SUDS3: variants seen among roughly 807,000 people sequenced by gnomAD.
SUDS3 encodes sin3 histone deacetylase corepressor complex component SDS3.
A neutral mutation model predicts 53.5 loss-of-function variants in SUDS3; 23 were observed. That is an observed-to-expected ratio of 0.43 (90% CI 0.31 to 0.61). The LOEUF (loss-of-function observed/expected upper bound fraction) is 0.61, where lower values mean the gene tolerates loss of function less well. Among genes scored for constraint, SUDS3 ranks in the 20% least tolerant of loss-of-function variants. The probability of loss-of-function intolerance (pLI) is 0.10; values close to 1 mark genes in which losing one functional copy is unlikely to be tolerated. For synonymous variants in SUDS3, 150 were observed against 148.5 expected, an observed-to-expected ratio of 1.01 and a Z score of -0.08; for missense variants, 291 against 405.9, an observed-to-expected ratio of 0.72 and a Z score of 2.43.
At chr12:118,380,373 C>T in intron 2 of SUDS3, 142 bp downstream of exon 2, 2 of 696,442 alleles carry the variant, frequency 2.9e-6, no homozygotes, top group Admixed American at 2.8e-5. Context: ...AGGAAATGCT[C>T]ATTGCACTAT....
At chr12:118,386,827 A>G (rs553137231) in intron 4 of SUDS3, among the ~76,000 whole-genome samples, 1 of 152,344 alleles carries the variant, frequency 6.6e-6, no homozygotes, top group East Asian at 1.9e-4. Flanking sequence ...ACCGAGTTAA[A>G]GAGCCATGCA....
At chr12:118,409,591 C>T (rs1290008115) in intron 10 of SUDS3, among the ~76,000 whole-genome samples, 1 of 152,214 alleles carries the variant, frequency 6.6e-6, no homozygotes, top group East Asian at 1.9e-4. Context: ...CCTTTACTTG[C>T]CATGTCTTGG....
intron 5 of SUDS3, among the ~76,000 whole-genome samples, 176 bp downstream of exon 5, chr12:118,390,122 T>G (rs192735636): frequency 5.9e-5 from 9 of 152,344 alleles, no homozygotes; most frequent in Admixed American, 3.3e-4. Context: ...GGTCATTTGT[T>G]GTTGCGCAGC....
intron 10 of SUDS3, among the ~76,000 whole-genome samples, chr12:118,405,097 C>T (rs1003479318): frequency 6.6e-6 from 1 of 152,318 alleles, no homozygotes; most frequent in African/African-American, 2.4e-5. Context: ...TCTCAGAACA[C>T]ATCGCCACTA....
intron 10 of SUDS3, among the ~76,000 whole-genome samples, chr12:118,406,362 C>T (rs2046308381): frequency 6.6e-6 from 1 of 152,158 alleles, no homozygotes; most frequent in African/African-American, 2.4e-5. Context: ...GGTTCTGTAG[C>T]TATAACGTGG....
chr12:118,406,487 C>T (rs1593779992), intron 10 of SUDS3, among the ~76,000 whole-genome samples: 2 of 152,144 alleles, frequency 1.3e-5, no homozygotes, highest in Non-Finnish European at 2.9e-5. Context: ...TAAGAAATTG[C>T]TTTTCGAAAA....
rs2046071735 is a variant in SUDS3, at chr12:118,382,229, G to A, written c.213-1783G>A. ...TGATTTTTTTGTTGTTGTATTTTTA[G>A]TAGAGACGGGGTTTCACCATGTTGG... On this transcript the variant is annotated intron_variant, in intron 2 of 11. Transcript: ENST00000543473. Among the ~76,000 whole-genome samples, 3 of 151,800 alleles carry A rather than the reference G, an allele frequency of 2.0e-5. No homozygotes were observed. In the South Asian group the frequency reaches 6.2e-4, roughly 32 times the overall value.
intron 1 of SUDS3, among the ~76,000 whole-genome samples, chr12:118,378,146 T>C (rs1392807861): frequency 6.6e-6 from 1 of 152,254 alleles, no homozygotes; most frequent in Non-Finnish European, 1.5e-5. Context: ...TATTAAAATT[T>C]TGTACACACC....
intron 10 of SUDS3, 58 bp downstream of exon 10, chr12:118,403,575 G>T: frequency 7.3e-7 from 1 of 1,367,820 alleles, no homozygotes. Flanking sequence ...TTGGAAAGAG[G>T]GCTGGGGCTA....
intron 1 of SUDS3, among the ~76,000 whole-genome samples, 153 bp from the exon 2 acceptor site, chr12:118,380,009 T>C (rs532539558): frequency 6.6e-6 from 1 of 152,344 alleles, no homozygotes; most frequent in Admixed American, 6.5e-5. Context: ...GCCTACTAAC[T>C]GTATGTAATG....
At position 118,391,281 on chromosome 12, in the gene SUDS3, A is replaced by G; in HGVS notation, c.516A>G (p.Gly172=). 6.2e-7 allele frequency: 1 copy of G among 1,609,178 alleles called. No individual in the cohort carries two copies. The highest frequency in any genetic ancestry group is 8.5e-7 in the Non-Finnish European group (1 of 1,178,516). ...ENEKLTMELT[G]DSMEVKPIMT... is the part of the protein sequence containing the mutation. ...AAAAGCTGACAATGGAACTGACTGGAGGTAGGAAAGCCCTATGGGGTGGGA... is the reference window on the plus strand; with the variant it reads ...AAAAGCTGACAATGGAACTGACTGGGGGTAGGAAAGCCCTATGGGGTGGGA... Residue 172 remains glycine (G), a splice_region_variant and synonymous_variant, in exon 6 of 12, where the codon GGA becomes GGG. Coordinates refer to ENST00000543473, the MANE Select transcript of SUDS3 (RefSeq NM_022491.3).
At chr12:118,383,271 T>G (rs781695730) in intron 2 of SUDS3, among the ~76,000 whole-genome samples, 1 of 152,222 alleles carries the variant, frequency 6.6e-6, no homozygotes, top group South Asian at 2.1e-4. Flanking sequence ...TTATCACTGT[T>G]AAATTGAGGG....
chr12:118,401,073 T>C (rs1304436543), intron 7 of SUDS3, among the ~76,000 whole-genome samples: 2 of 152,218 alleles, frequency 1.3e-5, no homozygotes, highest in Admixed American at 6.5e-5. Flanking sequence ...CTTAATTTTT[T>C]CACCTGTAAT....
At position 118,380,200 on chromosome 12, in the gene SUDS3, G is replaced by C. The variant is rs751330932; in HGVS notation, c.181G>C (p.Asp61His). 17 of 1,608,966 alleles carry C rather than the reference G, an allele frequency of 1.1e-5. No individual in the cohort carries two copies. Among genetic ancestry groups the C allele is most frequent in the Non-Finnish European group, 1.4e-5 (17 of 1,177,700 alleles). Residue 61 changes from aspartate to histidine, a missense_variant, in exon 2 of 12, where the codon GAT (aspartate) becomes CAT (histidine). This residue lies in a region of SUDS3 where 149 missense variants were observed against 146.5 expected (regional missense o/e 1.02). Coordinates refer to ENST00000543473, the MANE Select transcript of SUDS3 (RefSeq NM_022491.3). ...TAGTGAAACTGACCTGGCAAAGCAT[G>C]ATGAAGAAGACTATGTAGAAATGAA... Reference protein sequence around the residue: ...DASETDLAKHDEEDYVEMKEQ... With the variant: ...DASETDLAKHHEEDYVEMKEQ...
At chr12:118,390,798 TTATC>T (rs1444669336) in intron 5 of SUDS3, among the ~76,000 whole-genome samples, 3 of 152,350 alleles carry the variant, frequency 2.0e-5, no homozygotes, top group African/African-American at 4.8e-5. Context: ...TATACACAAT[TTATC>T]TAGAATCTAT....
Position 118,403,433 on chromosome 12 carries a change from A to G in SUDS3, c.719A>G (p.His240Arg). ...KRPASPSSPE[H>R]LPATPAESPA... ...CCAGCATCTCCATCCTCTCCTGAGC[A>G]CTTGCCTGCAACACCCGCGGAATCT... The change falls in exon 10 of 12, where the codon CAC becomes CGC. Residue 240 changes from histidine to arginine, a missense_variant. Physicochemically the swap from His to Arg is conservative, Grantham distance 29. Around this residue, in one of 4 missense-constraint regions of SUDS3, gnomAD observed 77 missense variants for 87.1 expected, o/e 0.88. Transcript: ENST00000543473. 6.2e-7 allele frequency: 1 copy of G among 1,613,650 alleles called. No individual in the cohort carries two copies.
chr12:118,388,977 C>A (rs1264140455), intron 4 of SUDS3, among the ~76,000 whole-genome samples: 1 of 152,130 alleles, frequency 6.6e-6, no homozygotes, highest in Non-Finnish European at 1.5e-5. Context: ...GGTGAAACCC[C>A]GTCTCTACTA....
At chr12:118,400,077 G>A (rs2046250710) in intron 6 of SUDS3, among the ~76,000 whole-genome samples, 1 of 152,102 alleles carries the variant, frequency 6.6e-6, no homozygotes, top group Non-Finnish European at 1.5e-5. Flanking sequence ...GAGGAGTGAA[G>A]AAGAAGGGAA....
chr12:118,386,532 T>C (rs1327103654), intron 4 of SUDS3, among the ~76,000 whole-genome samples: 2 of 152,140 alleles, frequency 1.3e-5, no homozygotes, highest in Non-Finnish European at 2.9e-5. Context: ...TTGTAGGTTG[T>C]TTTTGTCCCA....
Sources: allele counts gnomAD v4.1 joint callset (sites outside exome capture counted in the v4.1 genomes callset), GRCh38; gene constraint gnomAD v4.1.1; regional missense constraint gnomAD v4.1.1; transcripts MANE v1.5; gene names NCBI Gene and HGNC (gene_info 2026-07-23, HGNC 2026-07-21).